The following ACSL3 variants were observed in gnomAD, a reference collection of about 807,000 sequenced individuals.
ACSL3 encodes fatty acid CoA ligase Acsl3.
A neutral mutation model predicts 84.7 loss-of-function variants in ACSL3; 34 were observed. The ratio of observed to expected loss-of-function variants is 0.40; its 90% CI spans 0.31 to 0.53. The LOEUF is 0.53. Ranked by LOEUF, ACSL3 falls within the 20% of genes least tolerant of loss-of-function variation. ACSL3 has a pLI of 0.48. For missense variants in ACSL3, 680 were observed against 873.1 expected, an observed-to-expected ratio of 0.78 and a Z score of 2.79; for synonymous variants, 315 against 299.4, an observed-to-expected ratio of 1.05 and a Z score of -0.54.
intron 1 of ACSL3, among the ~76,000 whole-genome samples, chr2:222,868,485 T>C (rs1695211635): frequency 6.6e-6 from 1 of 152,242 alleles, no homozygotes; most frequent in Non-Finnish European, 1.5e-5. Context: ...CTACTCAGTT[T>C]GTGGTGTTGC....
At chr2:222,899,848 C>G (rs13034896) in intron 2 of ACSL3, among the ~76,000 whole-genome samples, 11,434 of 152,128 alleles carry the variant, frequency 0.075, 615 homozygotes, top group African/African-American at 0.14. Context: ...CCTTTGTTCT[C>G]CAGATATCGG....
intron 1 of ACSL3, among the ~76,000 whole-genome samples, chr2:222,881,353 T>G (rs923338110): frequency 6.6e-6 from 1 of 152,280 alleles, no homozygotes; most frequent in South Asian, 2.1e-4. Context: ...CTTCTTGATA[T>G]ATAATAATTA....
chr2:222,944,148 C>T lies in ACSL3; in HGVS notation c.*2494C>T, dbSNP rs1434419782. On this transcript the variant is annotated 3_prime_UTR_variant, in exon 17 of 17. Transcript: ENST00000357430. ...AGAACAAACCTGAAAGTAGTATCTA[C>T]TTTCTAAATACTACTTTGCTTTTCA... 1 of 152,080 alleles carries T rather than the reference C, an allele frequency of 6.6e-6. No homozygotes were observed. Among genetic ancestry groups the T allele is most frequent in the Non-Finnish European group, 1.5e-5 (1 of 67,950 alleles). The allele number at this position is 152,080 out of a possible 1,614,324, so 9.4% of individuals were successfully genotyped here. A position where few individuals can be genotyped will look rare whatever the true frequency, so the allele number is the denominator to read the frequency against.
At chr2:222,882,201 G>C (rs1695606772) in intron 1 of ACSL3, among the ~76,000 whole-genome samples, 1 of 152,190 alleles carries the variant, frequency 6.6e-6, no homozygotes. Flanking sequence ...AAATGTATTT[G>C]TGGAATGTAA....
chr2:222,871,238 T>C (rs1695295059), intron 1 of ACSL3, among the ~76,000 whole-genome samples: 2 of 138,566 alleles, frequency 1.4e-5, no homozygotes, highest in East Asian at 1.9e-4. Context: ...TCCATTTGAG[T>C]TGGGAAAGGT....
chr2:222,905,633 A>G (rs1696273026), intron 3 of ACSL3, among the ~76,000 whole-genome samples: 1 of 152,222 alleles, frequency 6.6e-6, no homozygotes, highest in South Asian at 2.1e-4. Flanking sequence ...CTGTACAGAA[A>G]GCTTTAATGT....
chr2:222,920,614 C>T (rs1480936557), intron 7 of ACSL3, among the ~76,000 whole-genome samples: 1 of 152,138 alleles, frequency 6.6e-6, no homozygotes, highest in Non-Finnish European at 1.5e-5. Context: ...TCCCTGATAC[C>T]TTTTTTCCCC....
intron 2 of ACSL3, among the ~76,000 whole-genome samples, chr2:222,889,372 CGTA>C (rs1695793110): frequency 6.6e-6 from 1 of 152,076 alleles, no homozygotes; most frequent in Non-Finnish European, 1.5e-5. Context: ...AAATAAGACT[CGTA>C]GTCATGTTAT....
chr2:222,895,161 C>T (rs1398709163), intron 2 of ACSL3, among the ~76,000 whole-genome samples: 1 of 152,188 alleles, frequency 6.6e-6, no homozygotes, highest in Non-Finnish European at 1.5e-5. Context: ...TGCCACTCTC[C>T]TAGATGACTA....
rs1053943558 is a variant in ACSL3, at chr2:222,941,971, C to A, written c.*317C>A. 1 of 257,056 alleles carries A rather than the reference C, an allele frequency of 3.9e-6. No homozygotes were observed. Among genetic ancestry groups the A allele is most frequent in the Non-Finnish European group, 7.4e-6 (1 of 134,316 alleles). The allele number at this position is 257,056 out of a possible 1,614,324, so 15.9% of individuals were successfully genotyped here. ...AGTTTTTAAACATGATTTATATGTT[C>A]TGTATAATGTTCAGTTTGTAACTTT... On this transcript the variant is annotated 3_prime_UTR_variant, in exon 17 of 17. Transcript: ENST00000357430.
intron 1 of ACSL3, among the ~76,000 whole-genome samples, chr2:222,882,761 G>GGTTT (rs1553586475): frequency 8.3e-6 from 1 of 119,982 alleles, no homozygotes; most frequent in Non-Finnish European, 1.7e-5. Flanking sequence ...CCAGATCACT[G>GGTTT]TTTTTTTTTT....
At chr2:222,934,112 ACAT>A (rs148343354) in intron 15 of ACSL3, among the ~76,000 whole-genome samples, 1,622 of 152,382 alleles carry the variant, frequency 0.011, 15 homozygotes, top group African/African-American at 0.024. Flanking sequence ...GAATATATTC[ACAT>A]CATTTTGATT....
chr2:222,927,198 C>T lies in ACSL3; in HGVS notation c.1465+9C>T, dbSNP rs761856701. On this transcript the variant is annotated intron_variant, in intron 12 of 16. Transcript: ENST00000357430. ...TGGAACAATTTCCGAAGGTAGTGTTCTCCATGGTCAGAGGCTGGAGTGTGA... is the reference window on the plus strand; with the variant it reads ...TGGAACAATTTCCGAAGGTAGTGTTTTCCATGGTCAGAGGCTGGAGTGTGA... 1 of 1,610,364 alleles carries T rather than the reference C, an allele frequency of 6.2e-7. No individual in the cohort carries two copies. The highest frequency in any genetic ancestry group is 1.1e-5 in the South Asian group (1 of 90,950).
rs1275612709 is a variant in ACSL3, at chr2:222,942,056, C to T, written c.*402C>T. ...AATATAAGAATTGGTTATTTGGGGGCTTTTTTACTTACTGTATTTAAAAAT... is the reference window on the plus strand; with the variant it reads ...AATATAAGAATTGGTTATTTGGGGGTTTTTTTACTTACTGTATTTAAAAAT... On this transcript the variant is annotated 3_prime_UTR_variant, in exon 17 of 17. Coordinates refer to ENST00000357430, the MANE Select transcript of ACSL3 (RefSeq NM_004457.5). 1 of 220,234 alleles carries T rather than the reference C, an allele frequency of 4.5e-6. No homozygotes were observed. The highest frequency in any genetic ancestry group is 9.1e-6 in the Non-Finnish European group (1 of 109,888). 13.6% of individuals were successfully genotyped at this position (220,234 alleles called of 1,614,324 possible).
intron 11 of ACSL3, 140 bp downstream of exon 11, chr2:222,924,735 C>T (rs917265734): frequency 4.9e-6 from 5 of 1,020,668 alleles, no homozygotes; most frequent in Admixed American, 7.5e-5. Flanking sequence ...AAAAAAAATC[C>T]ATCCCAGGCC....
rs1159417634 is a variant in ACSL3 at position 222,933,189 on chromosome 2, C to T, written c.1756C>T (p.Leu586=). The T allele has an allele frequency of 5.6e-6, 9 of 1,613,362 alleles. No individual in the cohort carries two copies. The highest frequency in any genetic ancestry group is 7.6e-6 in the Non-Finnish European group (9 of 1,179,800). The change falls in exon 15 of 17, where the codon CTA becomes TTA. Residue 586 remains leucine, a synonymous_variant. Coordinates refer to ENST00000357430, the MANE Select transcript of ACSL3 (RefSeq NM_004457.5). ...IIDRKKDLVK[L]QAGEYVSLGK... is the part of the protein sequence containing the mutation. ...AGATCGTAAAAAGGACCTTGTAAAA[C>T]TACAGGCAGGGGAATATGTTTCTCT...
chr2:222,876,336 G>GT (rs527704439), intron 1 of ACSL3, among the ~76,000 whole-genome samples: 93 of 149,980 alleles, frequency 6.2e-4, no homozygotes, highest in South Asian at 1.5e-3. Context: ...TTGTTTTTTT[G>GT]TTTTTTTTTG....
chr2:222,941,483 T>A lies in ACSL3; in HGVS notation c.2006-14T>A. ...AATACCTTTTCTTCTTTTCTTTTTTTTTAATCATCTTAGCAAGTCTGGAAA... is the reference window on the plus strand; with the variant it reads ...AATACCTTTTCTTCTTTTCTTTTTTATTAATCATCTTAGCAAGTCTGGAAA... On this transcript the variant is annotated splice_polypyrimidine_tract_variant and intron_variant, in intron 16 of 16. Coordinates refer to ENST00000357430, the MANE Select transcript of ACSL3 (RefSeq NM_004457.5). The A allele has an allele frequency of 6.4e-7, 1 of 1,569,042 alleles. No individual in the cohort carries two copies. Among genetic ancestry groups the A allele is most frequent in the Non-Finnish European group, 8.6e-7 (1 of 1,162,888 alleles).
chr2:222,931,955 G>A (rs1021604249), intron 14 of ACSL3, among the ~76,000 whole-genome samples: 2 of 152,148 alleles, frequency 1.3e-5, no homozygotes, highest in African/African-American at 4.8e-5. Context: ...GGAGGCTGAG[G>A]TGGGAGTATC....
Sources: allele counts gnomAD v4.1 joint callset (sites outside exome capture counted in the v4.1 genomes callset), GRCh38; gene constraint gnomAD v4.1.1; transcripts MANE v1.5; gene names NCBI Gene and HGNC (gene_info 2026-07-23, HGNC 2026-07-21).